The following RBMS3 variants were observed in gnomAD, a reference collection of about 807,000 sequenced individuals.
RBMS3 encodes RNA binding motif single stranded interacting protein 3, also known as RNA-binding motif, single-stranded-interacting protein 3.
RBMS3 carries 27 observed loss-of-function variants against 66.8 expected under a neutral mutation model. That is an observed-to-expected ratio of 0.40 (90% confidence interval 0.30 to 0.56). RBMS3 has a LOEUF of 0.56. Ranked by LOEUF, RBMS3 falls within the 20% of genes least tolerant of loss-of-function variation. The pLI is 0.40. For missense variants in RBMS3, 513 were observed against 549.5 expected, an observed-to-expected ratio of 0.93 and a Z score of 0.66; for synonymous variants, 188 against 183.0, an observed-to-expected ratio of 1.03 and a Z score of -0.22.
intron 6 of RBMS3, among the ~76,000 whole-genome samples, chr3:29,863,538 A>C (rs2059269295): frequency 6.6e-6 from 1 of 152,114 alleles, no homozygotes; most frequent in African/African-American, 2.4e-5. Context: ...AGTAAATATA[A>C]ATAGGTCATT....
intron 4 of RBMS3, among the ~76,000 whole-genome samples, chr3:29,644,051 T>C (rs904022225): frequency 9.9e-5 from 15 of 152,190 alleles, no homozygotes; most frequent in African/African-American, 3.4e-4. Flanking sequence ...CTTTCAAACA[T>C]TTCTCCAGCT....
intron 4 of RBMS3, among the ~76,000 whole-genome samples, chr3:29,683,534 C>T (rs1381206235): frequency 1.3e-5 from 2 of 152,156 alleles, no homozygotes; most frequent in Admixed American, 6.5e-5. Flanking sequence ...ATGCCTATAA[C>T]ACTGGCTTTC....
chr3:29,431,563 C>T (rs56216434), intron 1 of RBMS3, among the ~76,000 whole-genome samples: 19,432 of 151,760 alleles, frequency 0.13, 1,664 homozygotes, highest in African/African-American at 0.24. Context: ...ACTGCTGGGA[C>T]TACAGGCGTG....
intron 4 of RBMS3, among the ~76,000 whole-genome samples, chr3:29,599,449 C>T (rs904969114): frequency 2.6e-5 from 4 of 151,092 alleles, no homozygotes; most frequent in Non-Finnish European, 5.9e-5. Flanking sequence ...AAGTGAGTGG[C>T]GGTCTAACAT....
intron 1 of RBMS3, among the ~76,000 whole-genome samples, chr3:29,422,253 A>G (rs1267589954): frequency 2.0e-5 from 3 of 152,200 alleles, no homozygotes; most frequent in East Asian, 1.9e-4. Flanking sequence ...GAGTATACCA[A>G]TCAAGGGCAA....
intron 2 of RBMS3, among the ~76,000 whole-genome samples, chr3:29,439,612 T>TA (rs1553603339): frequency 2.9e-5 from 3 of 104,034 alleles, no homozygotes; most frequent in East Asian, 3.6e-4. Flanking sequence ...TTTATTTATT[T>TA]TTATTATTAT....
At chr3:29,451,392 C>T (rs1419429641) in intron 2 of RBMS3, among the ~76,000 whole-genome samples, 1 of 152,116 alleles carries the variant, frequency 6.6e-6, no homozygotes, top group African/African-American at 2.4e-5. Flanking sequence ...TGCTAACTCC[C>T]CCCTTTCTAG....
At chr3:29,804,885 T>C (rs2057495165) in intron 6 of RBMS3, among the ~76,000 whole-genome samples, 1 of 151,598 alleles carries the variant, frequency 6.6e-6, no homozygotes, top group Non-Finnish European at 1.5e-5. Context: ...CTTACCACAG[T>C]TTACCATGCT....
At chr3:29,364,519 G>A (rs2037787244) in intron 1 of RBMS3, among the ~76,000 whole-genome samples, 1 of 152,150 alleles carries the variant, frequency 6.6e-6, no homozygotes, top group Non-Finnish European at 1.5e-5. Context: ...GAAGCTTGCT[G>A]GCTAAAGTTG....
intron 1 of RBMS3, among the ~76,000 whole-genome samples, chr3:29,366,554 ATT>A (rs10541842): frequency 0.63 from 94,300 of 150,638 alleles, 29,936 homozygotes; most frequent in Non-Finnish European, 0.7. Flanking sequence ...CTAATTTTTA[ATT>A]TTTTTTTTTG....
At chr3:29,691,947 C>CTCTCTCTCTTTTTTTTTTTT (rs1218393454) in intron 4 of RBMS3, among the ~76,000 whole-genome samples, 22 of 53,510 alleles carry the variant, frequency 4.1e-4, no homozygotes, top group Middle Eastern at 0.012. Context: ...CTCTCTCTCT[C>CTCTCTCTCTTTTTTTTTTTT]TATTTTTTTT....
At chr3:29,698,352 A>C in intron 4 of RBMS3, 2 of 985,430 alleles carry the variant, frequency 2.0e-6, no homozygotes, top group Non-Finnish European at 2.4e-6. Context: ...AAACCGGAGC[A>C]GTTTGTGTCT....
At chr3:29,851,468 CT>C (rs1464676703) in intron 6 of RBMS3, among the ~76,000 whole-genome samples, 1 of 152,160 alleles carries the variant, frequency 6.6e-6, no homozygotes, top group Non-Finnish European at 1.5e-5. Flanking sequence ...CTTAAACTCT[CT>C]CATCTTTAGG....
intron 10 of RBMS3, among the ~76,000 whole-genome samples, chr3:29,917,539 T>A (rs899389760): frequency 3.3e-5 from 5 of 152,080 alleles, no homozygotes; most frequent in Admixed American, 6.6e-5. Context: ...ATCAGTATTT[T>A]AAGGAATAAG....
intron 4 of RBMS3, among the ~76,000 whole-genome samples, chr3:29,618,510 A>G (rs1283715522): frequency 6.6e-6 from 1 of 151,568 alleles, no homozygotes; most frequent in Non-Finnish European, 1.5e-5. Flanking sequence ...CTATCTCAAA[A>G]AAAGAAAGAA....
At chr3:29,291,729 A>ATTT (rs1290913868) in intron 1 of RBMS3, among the ~76,000 whole-genome samples, 1 of 151,798 alleles carries the variant, frequency 6.6e-6, no homozygotes, top group East Asian at 1.9e-4. Context: ...TACCTAGGAT[A>ATTT]ATAACATCTC....
chr3:29,696,155 C>T (rs916437085), intron 4 of RBMS3, among the ~76,000 whole-genome samples: 1 of 152,192 alleles, frequency 6.6e-6, no homozygotes, highest in East Asian at 1.9e-4. Flanking sequence ...CACTCACAGG[C>T]ATCCAATTCA....
In RBMS3 at chr3:29,699,465, T is replaced by C. The variant is rs541937123; in HGVS notation, c.400-40255T>C. Among the ~76,000 whole-genome samples the C allele has an allele frequency of 2.6e-5, 4 of 152,320 alleles. No individual in the cohort carries two copies. The South Asian group carries it at 8.3e-4, about 32-fold the overall frequency. ...CCTGTCCTGTGGAGCTATTTTCTAA[T>C]GGCTAAAATTCAGAATTTGCAAAAA... is the stretch of plus-strand genomic sequence containing the variant. On this transcript the variant is annotated intron_variant, in intron 4 of 14. Transcript: ENST00000383767.
At chr3:29,771,562 T>G (rs1259941653) in intron 6 of RBMS3, among the ~76,000 whole-genome samples, 4 of 152,002 alleles carry the variant, frequency 2.6e-5, no homozygotes, top group African/African-American at 7.2e-5. Context: ...CAGCAAAAAT[T>G]AAGGTTGCAG....
Sources: allele counts gnomAD v4.1 joint callset (sites outside exome capture counted in the v4.1 genomes callset), GRCh38; gene constraint gnomAD v4.1.1; transcripts MANE v1.5; gene names NCBI Gene and HGNC (gene_info 2026-07-23, HGNC 2026-07-21).